The following KCTD18 variants were observed in gnomAD, a reference collection of about 807,000 sequenced individuals.
The protein encoded by KCTD18 is BTB/POZ domain-containing protein KCTD18.
A neutral mutation model predicts 30.4 loss-of-function variants in KCTD18; 22 were observed. The ratio of observed to expected loss-of-function variants is 0.72; its 90% CI spans 0.52 to 1.03. KCTD18 has a LOEUF of 1.03. KCTD18 is among the 50% of genes least tolerant of loss of function. The probability of loss-of-function intolerance (pLI) is 0.00; values close to 1 mark genes in which losing one functional copy is unlikely to be tolerated. For missense variants in KCTD18, 529 were observed against 547.6 expected (o/e 0.97, Z 0.34); for synonymous variants, 186 against 209.0 (o/e 0.89, Z 0.95).
intron 5 of KCTD18, 81 bp downstream of exon 5, chr2:200,497,672 A>G (rs778154712): frequency 2.2e-6 from 2 of 913,744 alleles, no homozygotes; most frequent in East Asian, 4.8e-5. Context: ...TTCTAAAAAA[A>G]GAAATGCAGT....
rs149091190 is a variant in KCTD18 at position 200,490,492 on chromosome 2, C to A, written c.889G>T (p.Val297Leu). The change falls in exon 7 of 7, where the codon GTG becomes TTG. Residue 297 changes from valine to leucine, a missense_variant. Transcript: ENST00000359878. ...GTCTGGATGGCACTGGCTGGAGACA[C>A]CGTGACTGAGGCCGAGTTCTTGACT... ...IKVKNSASVT[V>L]SPASAIQTSA... 4.2e-4 allele frequency: 677 copies of A among 1,611,764 alleles called. 2 individuals are homozygous for A. In the African/African-American group the frequency reaches 7.8e-3, roughly 19 times the overall value.
chr2:200,498,814 A>G (rs1054750232), intron 4 of KCTD18, 77 bp downstream of exon 4: 9 of 1,292,128 alleles, frequency 7.0e-6, no homozygotes, highest in Non-Finnish European at 1.0e-5. Context: ...CTAGTCAAGC[A>G]CATTTCATTC....
Position 200,503,738 on chromosome 2 carries a change from C to T in KCTD18, c.372+1010G>A, listed in dbSNP as rs576572594. Among the ~76,000 whole-genome samples the T allele has an allele frequency of 7.9e-5, 12 of 152,312 alleles. No homozygotes were observed. In the South Asian group the frequency reaches 2.5e-3, roughly 32 times the overall value. ...CCAAATCAACTTTCTATTCATGCTGCACTCCTAATAACCAACCACCCATCA... is the reference window on the plus strand; with the variant it reads ...CCAAATCAACTTTCTATTCATGCTGTACTCCTAATAACCAACCACCCATCA... On this transcript the variant is annotated intron_variant, in intron 3 of 6. Transcript: ENST00000359878.
chr2:200,508,408 T>G (rs1218331602), intron 1 of KCTD18, among the ~76,000 whole-genome samples: 1 of 152,090 alleles, frequency 6.6e-6, no homozygotes, highest in Non-Finnish European at 1.5e-5. Context: ...GTTTAAGGGT[T>G]GGATTTTTTT....
rs970564191 is a variant in KCTD18, at chr2:200,499,161, T to C, written c.373-77A>G. The C allele has an allele frequency of 6.0e-6, 6 of 1,003,268 alleles. No individual in the cohort carries two copies. In the East Asian group the frequency reaches 8.1e-5, roughly 13 times the overall value. The allele number at this position is 1,003,268 out of a possible 1,614,324, so 62.1% of individuals were successfully genotyped here. On this transcript the variant is annotated intron_variant, in intron 3 of 6. Coordinates refer to ENST00000359878, the MANE Select transcript of KCTD18 (RefSeq NM_152387.4). ...AAATGAATATGCTCCATTACTTTCATGTAAAAGCTGAAATTCTAGTTGATC... is the reference window on the plus strand; with the variant it reads ...AAATGAATATGCTCCATTACTTTCACGTAAAAGCTGAAATTCTAGTTGATC...
chr2:200,505,087 AGT>A, intron 2 of KCTD18, 128 bp from the exon 3 acceptor site: 1 of 718,690 alleles, frequency 1.4e-6, no homozygotes, highest in Non-Finnish European at 2.3e-6. Context: ...GTTAACATCT[AGT>A]GTTCAAATAG....
intron 3 of KCTD18, among the ~76,000 whole-genome samples, chr2:200,503,051 A>G (rs547883158): frequency 8.4e-4 from 128 of 151,752 alleles, no homozygotes; most frequent in African/African-American, 2.9e-3. Flanking sequence ...AAAAAAAAAA[A>G]AAGAAGTGCC....
Position 200,490,339 on chromosome 2 carries a change from C to A in KCTD18, c.1042G>T (p.Gly348Trp). Residue 348 changes from glycine (G) to tryptophan (W), a missense_variant, in exon 7 of 7, where the codon GGG (glycine) becomes TGG (tryptophan). Gly to Trp is a radical substitution (Grantham distance 184, BLOSUM62 -2). Transcript: ENST00000359878. ...CCTCCATTTTCAGCGCTCGCAGCCC[C>A]AGGGGAAGCCTGAGGATGCCCAGGT... ...GAPGHPQASP[G>W]AASAENGGTH... is the part of the protein sequence containing the mutation. 1.2e-6 allele frequency: 2 copies of A among 1,614,246 alleles called. No individual in the cohort carries two copies. The highest frequency in any genetic ancestry group is 2.2e-5 in the East Asian group (1 of 44,882).
At chr2:200,504,233 C>T (rs1221200767) in intron 3 of KCTD18, among the ~76,000 whole-genome samples, 1 of 152,068 alleles carries the variant, frequency 6.6e-6, no homozygotes, top group African/African-American at 2.4e-5. Flanking sequence ...CCCAGATGGG[C>T]GGATCACGAG....
At position 200,490,217 on chromosome 2, in the gene KCTD18, C is replaced by T. The variant is rs145070348; in HGVS notation, c.1164G>A (p.Ala388=). 1.6e-4 allele frequency: 245 copies of T among 1,580,394 alleles called. 1 individual carries two copies. In the East Asian group the frequency reaches 4.1e-3, roughly 27 times the overall value. ...KLKRTPLCAT[A]PCLPSPTATR... ...TGGCCGTGGGGGAGGGCAGGCAAGG[C>T]GCGGTGGCGCACAGCGGAGTCCTCT... The change falls in exon 7 of 7, where the codon GCG becomes GCA. Residue 388 remains alanine, a synonymous_variant. Coordinates refer to ENST00000359878, the MANE Select transcript of KCTD18 (RefSeq NM_152387.4).
intron 5 of KCTD18, chr2:200,495,875 G>A (rs578049553): frequency 2.0e-5 from 3 of 150,884 alleles, no homozygotes; most frequent in Non-Finnish European, 4.4e-5. Flanking sequence ...TTTTTGTTTT[G>A]TTTTGTGTTT....
intron 3 of KCTD18, among the ~76,000 whole-genome samples, chr2:200,502,290 A>T (rs1559185319): frequency 6.6e-6 from 1 of 152,100 alleles, no homozygotes; most frequent in Non-Finnish European, 1.5e-5. Context: ...AAGTATAATA[A>T]TAATAAATTT....
chr2:200,504,286 C>T (rs1366053655), intron 3 of KCTD18, among the ~76,000 whole-genome samples: 4 of 151,976 alleles, frequency 2.6e-5, no homozygotes, highest in Non-Finnish European at 4.4e-5. Flanking sequence ...GTGAAACCCC[C>T]GTCTCTACTA....
chr2:200,505,873 AAG>A (rs200421604), intron 2 of KCTD18, among the ~76,000 whole-genome samples: 3 of 152,180 alleles, frequency 2.0e-5, no homozygotes, highest in African/African-American at 2.4e-5. Context: ...AAAAAAAAAA[AAG>A]AGAGAAAAAC....
At position 200,490,461 on chromosome 2, in the gene KCTD18, G is replaced by A. The variant is rs964181885; in HGVS notation, c.920C>T (p.Ala307Val). The change falls in exon 7 of 7, where the codon GCT becomes GTT. Residue 307 changes from alanine to valine, a missense_variant. By Grantham distance (64) the Ala-to-Val change is moderately conservative. Transcript: ENST00000359878. ...VSPASAIQTS[A>V]GATANRFQSG... Reference sequence around the variant, plus strand: ...TTGAAACCGGTTTGCTGTCGCCCCAGCCGACGTCTGGATGGCACTGGCTGG... The same window carrying A: ...TTGAAACCGGTTTGCTGTCGCCCCAACCGACGTCTGGATGGCACTGGCTGG... 1.2e-6 allele frequency: 2 copies of A among 1,613,634 alleles called. No individual in the cohort carries two copies. Among genetic ancestry groups the A allele is most frequent in the South Asian group, 2.2e-5 (2 of 91,082 alleles).
Position 200,506,954 on chromosome 2 carries a change from A to C in KCTD18, c.63T>G (p.Cys21Trp). 6.2e-7 allele frequency: 1 copy of C among 1,614,086 alleles called. No homozygotes were observed. Among genetic ancestry groups the C allele is most frequent in the Non-Finnish European group, 8.5e-7 (1 of 1,179,954 alleles). Residue 21 changes from cysteine to tryptophan, a missense_variant, in exon 2 of 7, where the codon TGT becomes TGG. By Grantham distance (215) the Cys-to-Trp change is radical. Coordinates refer to ENST00000359878, the MANE Select transcript of KCTD18 (RefSeq NM_152387.4). Reference protein sequence around the residue: ...LDVLRLNVGGCIYTARRESLC... With the variant: ...LDVLRLNVGGWIYTARRESLC... ...AGGACTCCCGCCGGGCTGTGTAAAT[A>C]CAGCCACCCACGTTCAGTCGGAGAA...
intron 3 of KCTD18, among the ~76,000 whole-genome samples, chr2:200,504,185 G>A (rs1382231968): frequency 1.3e-5 from 2 of 152,232 alleles, no homozygotes; most frequent in Admixed American, 6.5e-5. Flanking sequence ...TTGGCCGGGT[G>A]CAGTGGCTCA....
At chr2:200,507,589 A>T (rs2030269884) in intron 1 of KCTD18, among the ~76,000 whole-genome samples, 1 of 152,270 alleles carries the variant, frequency 6.6e-6, no homozygotes, top group Admixed American at 6.5e-5. Flanking sequence ...TAAGAGGAAT[A>T]ATTAAAAGAA....
At chr2:200,508,198 T>C (rs1251134760) in intron 1 of KCTD18, among the ~76,000 whole-genome samples, 1 of 152,212 alleles carries the variant, frequency 6.6e-6, no homozygotes, top group Non-Finnish European at 1.5e-5. Flanking sequence ...CAAGCAATTC[T>C]CCTGCCTCAG....
Sources: allele counts gnomAD v4.1 joint callset (sites outside exome capture counted in the v4.1 genomes callset), GRCh38; gene constraint gnomAD v4.1.1; transcripts MANE v1.5; gene names NCBI Gene and HGNC (gene_info 2026-07-23, HGNC 2026-07-21).